Variants in LPIN1 observed in about 807,000 individuals in gnomAD.
LPIN1 encodes phosphatidate phosphatase LPIN1.
LPIN1 carries 71 observed loss-of-function variants against 107.5 expected under a neutral mutation model. The observed-to-expected ratio is 0.66, with a 90% CI of 0.55 to 0.80. LPIN1 has a LOEUF of 0.80. Ranked by LOEUF, LPIN1 falls within the 30% of genes least tolerant of loss-of-function variation. The probability of loss-of-function intolerance (pLI) is 0.00; values close to 1 mark genes in which losing one functional copy is unlikely to be tolerated. For missense variants in LPIN1, 1,043 were observed against 1,160.6 expected (o/e 0.90, Z 1.47); for synonymous variants, 445 against 452.6 (o/e 0.98, Z 0.21).
intron 13 of LPIN1, among the ~76,000 whole-genome samples, chr2:11,792,825 C>T (rs1676009894): frequency 6.6e-6 from 1 of 150,860 alleles, no homozygotes; most frequent in Non-Finnish European, 1.5e-5. Context: ...CTTCGTTGCC[C>T]TCTCCTCTAT....
intron 17 of LPIN1, among the ~76,000 whole-genome samples, chr2:11,809,507 C>G (rs577812056): frequency 6.6e-6 from 1 of 152,252 alleles, no homozygotes; most frequent in African/African-American, 2.4e-5. Context: ...ACCTCCGCCT[C>G]CCAGGTTCAA....
intron 1 of LPIN1, among the ~76,000 whole-genome samples, chr2:11,703,299 A>G (rs1347459675): frequency 6.6e-6 from 1 of 152,104 alleles, no homozygotes; most frequent in Non-Finnish European, 1.5e-5. Context: ...TGGAGTAGGG[A>G]TAGCGTGGAT....
chr2:11,812,574 C>G (rs1309090637), intron 17 of LPIN1, among the ~76,000 whole-genome samples: 4 of 152,122 alleles, frequency 2.6e-5, no homozygotes, highest in African/African-American at 9.7e-5. Context: ...TGGGCAAGTG[C>G]CAGCGCAGAT....
At chr2:11,759,883 C>A (rs1352914568) in intron 1 of LPIN1, among the ~76,000 whole-genome samples, 2 of 136,884 alleles carry the variant, frequency 1.5e-5, no homozygotes, top group Non-Finnish European at 3.2e-5. Flanking sequence ...CCCTCCCGGA[C>A]GGGGTGGCTG....
intron 1 of LPIN1, among the ~76,000 whole-genome samples, chr2:11,756,449 C>T (rs1039784777): frequency 2.6e-5 from 4 of 152,212 alleles, no homozygotes; most frequent in African/African-American, 7.2e-5. Context: ...AGTACAATGA[C>T]GTGATCTCAG....
upstream of LPIN1, among the ~76,000 whole-genome samples, chr2:11,719,376 A>T (rs961757679): frequency 5.3e-5 from 8 of 152,218 alleles, no homozygotes; most frequent in Non-Finnish European, 1.2e-4. Context: ...GCTGGCTGTT[A>T]TCTGGGGCTC....
Position 11,815,142 on chromosome 2 carries a change from G to C in LPIN1, c.2304G>C (p.Met768Ile). ...CSARAIGMAD[M>I]TRGYLHWVNE... is the part of the protein sequence containing the mutation. ...CCCGTGCCATCGGGATGGCGGACAT[G>C]ACGCGGGGCTACCTGCACTGGGTCA... Residue 768 changes from methionine (M) to isoleucine (I), a missense_variant, in exon 18 of 21, where the codon ATG (methionine) becomes ATC (isoleucine). Met to Ile is a conservative substitution (Grantham distance 10). Transcript: ENST00000674199. 2 of 1,614,226 alleles carry C rather than the reference G, an allele frequency of 1.2e-6. No individual in the cohort carries two copies. Among genetic ancestry groups the C allele is most frequent in the Non-Finnish European group, 1.7e-6 (2 of 1,180,042 alleles).
chr2:11,801,814 C>T (rs1027143389), intron 14 of LPIN1, among the ~76,000 whole-genome samples: 8 of 152,102 alleles, frequency 5.3e-5, no homozygotes, highest in African/African-American at 1.7e-4. Flanking sequence ...ATGCTAATTA[C>T]CCTGATTTGA....
At chr2:11,794,485 T>G (rs911440034) in intron 13 of LPIN1, among the ~76,000 whole-genome samples, 1 of 152,244 alleles carries the variant, frequency 6.6e-6, no homozygotes, top group Non-Finnish European at 1.5e-5. Flanking sequence ...CTGGACATAT[T>G]ATATCAATTA....
chr2:11,796,609 G>T (rs891551810), intron 14 of LPIN1, among the ~76,000 whole-genome samples: 2 of 152,104 alleles, frequency 1.3e-5, no homozygotes, highest in African/African-American at 2.4e-5. Context: ...TTCCCCTGGT[G>T]GTGTCCCAGG....
chr2:11,745,511 C>A (rs1171453009), upstream of LPIN1, among the ~76,000 whole-genome samples: 1 of 152,202 alleles, frequency 6.6e-6, no homozygotes, highest in African/African-American at 2.4e-5. Context: ...CAGTTTGAGA[C>A]CAGCCTGGGC....
At chr2:11,681,042 T>C (rs1437298769) in intron 1 of LPIN1, among the ~76,000 whole-genome samples, 2 of 152,208 alleles carry the variant, frequency 1.3e-5, no homozygotes, top group African/African-American at 4.8e-5. Context: ...TGAAAGCAGA[T>C]GGCCTGTGGT....
chr2:11,779,672 G>T, intron 7 of LPIN1, 27 bp downstream of exon 7: 1 of 1,613,232 alleles, frequency 6.2e-7, no homozygotes, highest in South Asian at 1.1e-5. Context: ...TTCTGCCACG[G>T]ACCGAAGATT....
intron 18 of LPIN1, chr2:11,819,114 G>A: frequency 4.3e-6 from 1 of 234,446 alleles, no homozygotes; most frequent in Non-Finnish European, 8.4e-6. Context: ...ATTCACAAAT[G>A]AGATTGGTCC....
At chr2:11,735,092 G>A (rs933856447) in intron 1 of LPIN1, among the ~76,000 whole-genome samples, 3 of 152,090 alleles carry the variant, frequency 2.0e-5, no homozygotes, top group African/African-American at 7.2e-5. Context: ...AGGAGTTCGA[G>A]ACCAACCTGG....
chr2:11,784,813 TCA>T, intron 9 of LPIN1, 71 bp from the exon 10 acceptor site: 2 of 1,440,158 alleles, frequency 1.4e-6, no homozygotes. Flanking sequence ...TGCCAGAGCA[TCA>T]CTGGATGGTG....
intron 14 of LPIN1, among the ~76,000 whole-genome samples, chr2:11,797,466 A>T (rs751918980): frequency 1.3e-5 from 2 of 152,242 alleles, no homozygotes; most frequent in African/African-American, 2.4e-5. Context: ...ATGTCTGCCA[A>T]ATCCATCCTG....
intron 11 of LPIN1, among the ~76,000 whole-genome samples, chr2:11,787,595 A>T (rs1358556518): frequency 6.6e-6 from 1 of 151,120 alleles, no homozygotes; most frequent in Non-Finnish European, 1.5e-5. Flanking sequence ...GAATAGTCAC[A>T]CTCTGCAGTA....
chr2:11,700,970 C>T (rs1387380455), intron 1 of LPIN1, among the ~76,000 whole-genome samples: 1 of 152,202 alleles, frequency 6.6e-6, no homozygotes, highest in Non-Finnish European at 1.5e-5. Flanking sequence ...GTTCTCAGCT[C>T]TTCTCCTGAA....
Sources: allele counts gnomAD v4.1 joint callset (sites outside exome capture counted in the v4.1 genomes callset), GRCh38; gene constraint gnomAD v4.1.1; transcripts MANE v1.5; gene names NCBI Gene and HGNC (gene_info 2026-07-23, HGNC 2026-07-21).